Variants in ADAM7 observed in about 807,000 individuals in gnomAD.
ADAM7 encodes ADAM metallopeptidase domain 7, also known as disintegrin and metalloproteinase domain-containing protein 7.
A neutral mutation model predicts 102.9 loss-of-function variants in ADAM7; 97 were observed. The ratio of observed to expected loss-of-function variants is 0.94; its 90% CI spans 0.80 to 1.12. The LOEUF is 1.12. Among genes scored for constraint, ADAM7 ranks in the 50% most tolerant of loss-of-function variants. The probability of loss-of-function intolerance (pLI) is 0.00; values close to 1 mark genes in which losing one functional copy is unlikely to be tolerated. For synonymous variants in ADAM7, 334 were observed against 304.4 expected (o/e 1.10, Z -1.01); for missense variants, 991 against 908.7 (o/e 1.09, Z -1.16).
intron 20 of ADAM7, among the ~76,000 whole-genome samples, chr8:24,506,790 C>G (rs62500007): frequency 7.1e-6 from 1 of 140,824 alleles, no homozygotes; most frequent in Admixed American, 7.1e-5. Flanking sequence ...CACACACACA[C>G]AAAATAGAAC....
Position 24,476,524 on chromosome 8 carries a change from T to C in ADAM7, c.705+20T>C. 1 of 1,581,086 alleles carries C rather than the reference T, an allele frequency of 6.3e-7. No individual in the cohort carries two copies. The highest frequency in any genetic ancestry group is 2.2e-5 in the East Asian group (1 of 44,586). On this transcript the variant is annotated intron_variant, in intron 8 of 21. Coordinates refer to ENST00000175238, the MANE Select transcript of ADAM7 (RefSeq NM_003817.4). ...AACATGGTAAGATTTGATACAGTTT[T>C]TGAATCAAGCCAATAATACGAATGC... is the stretch of plus-strand genomic sequence containing the variant.
intron 3 of ADAM7, among the ~76,000 whole-genome samples, chr8:24,457,863 AGTGTGTGT>A (rs58099346): frequency 4.1e-5 from 6 of 147,872 alleles, no homozygotes; most frequent in Non-Finnish European, 7.5e-5. Flanking sequence ...TATGTGTGTG[AGTGTGTGT>A]GTGTGTGTGT....
rs1819270495 is a variant in ADAM7 at position 24,462,287 on chromosome 8, G to T, written c.234-1595G>T. On this transcript the variant is annotated intron_variant, in intron 3 of 21. Transcript: ENST00000175238. ...AAATTCTGAATTTGAGACTGAGTTTGTTTACAGAACTGAGGATTCTCCCCG... is the reference window on the plus strand; with the variant it reads ...AAATTCTGAATTTGAGACTGAGTTTTTTTACAGAACTGAGGATTCTCCCCG... Among the ~76,000 whole-genome samples the T allele has an allele frequency of 4.6e-5, 7 of 152,258 alleles. No individual in the cohort carries two copies. The South Asian group carries it at 1.5e-3, about 32-fold the overall frequency.
chr8:24,447,739 CT>C (rs1432266613), intron 3 of ADAM7, among the ~76,000 whole-genome samples: 1 of 152,072 alleles, frequency 6.6e-6, no homozygotes, highest in African/African-American at 2.4e-5. Context: ...TCTTCATTGG[CT>C]TTCTTCAAAA....
intron 16 of ADAM7, among the ~76,000 whole-genome samples, chr8:24,497,280 T>C (rs1240869602): frequency 6.6e-6 from 1 of 152,196 alleles, no homozygotes; most frequent in Non-Finnish European, 1.5e-5. Context: ...CCCAGTCTCA[T>C]GTATGTCTTT....
intron 5 of ADAM7, among the ~76,000 whole-genome samples, chr8:24,466,297 T>C (rs1178495678): frequency 6.6e-6 from 1 of 152,132 alleles, no homozygotes; most frequent in Non-Finnish European, 1.5e-5. Flanking sequence ...CAAAGAAAGA[T>C]GATGTGGAGA....
intron 3 of ADAM7, among the ~76,000 whole-genome samples, chr8:24,460,070 T>G (rs1339851940): frequency 6.6e-6 from 1 of 150,992 alleles, no homozygotes; most frequent in Non-Finnish European, 1.5e-5. Flanking sequence ...TTACCAATGT[T>G]TGGATTTGTT....
At chr8:24,494,865 T>C (rs894256523) in intron 16 of ADAM7, among the ~76,000 whole-genome samples, 1 of 152,156 alleles carries the variant, frequency 6.6e-6, no homozygotes, top group African/African-American at 2.4e-5. Context: ...TTGGTAATAA[T>C]TGCCCCACTC....
chr8:24,477,343 G>A (rs1819799577), intron 8 of ADAM7, among the ~76,000 whole-genome samples: 1 of 152,028 alleles, frequency 6.6e-6, no homozygotes, highest in Non-Finnish European at 1.5e-5. Context: ...TGACAATGGA[G>A]CATCTACATA....
chr8:24,494,721 AT>A (rs1480380016), intron 16 of ADAM7, among the ~76,000 whole-genome samples: 1 of 69,590 alleles, frequency 1.4e-5, no homozygotes, highest in East Asian at 2.9e-4. Context: ...TGAAAAAAAA[AT>A]CTCTTTTTGG....
Position 24,466,993 on chromosome 8 carries a change from G to A in ADAM7, c.579+5G>A, listed in dbSNP as rs376371469. Reference sequence around the variant, plus strand: ...GAAGAAGACTCCAAAATAAAAGTGAGTACTTTATTATTATCTTTACCCCAA... The same window carrying A: ...GAAGAAGACTCCAAAATAAAAGTGAATACTTTATTATTATCTTTACCCCAA... On this transcript the variant is annotated splice_donor_5th_base_variant and intron_variant, in intron 6 of 21. Coordinates refer to ENST00000175238, the MANE Select transcript of ADAM7 (RefSeq NM_003817.4). 1.0e-5 allele frequency: 16 copies of A among 1,604,158 alleles called. No homozygotes were observed. In the African/African-American group the frequency reaches 1.5e-4, roughly 15 times the overall value.
chr8:24,497,065 C>T (rs1229026284), intron 16 of ADAM7, among the ~76,000 whole-genome samples: 1 of 152,110 alleles, frequency 6.6e-6, no homozygotes, highest in Non-Finnish European at 1.5e-5. Flanking sequence ...GCAGGTCCTT[C>T]CCATGCTGTT....
In ADAM7 at chr8:24,499,307, T is replaced by C. The variant is rs1181641361; in HGVS notation, c.1914T>C (p.Asn638=). The change falls in exon 17 of 22, where the codon AAT becomes AAC. Residue 638 remains asparagine (N), a synonymous_variant. Coordinates refer to ENST00000175238, the MANE Select transcript of ADAM7 (RefSeq NM_003817.4). The stretch of plus-strand genomic sequence containing the variant: ...CAACCAATTGCCCCTCTCAGTGCAA[T>C]GAAAATCCTGTAAGATATGACTGCT... ...YISTNCPSQC[N]ENPVDGHGLQ... is the part of the protein sequence containing the mutation. 1 of 1,598,668 alleles carries C rather than the reference T, an allele frequency of 6.3e-7. No individual in the cohort carries two copies. The highest frequency in any genetic ancestry group is 8.5e-7 in the Non-Finnish European group (1 of 1,173,078).
intron 17 of ADAM7, among the ~76,000 whole-genome samples, chr8:24,499,602 G>C (rs958918062): frequency 9.2e-5 from 14 of 151,986 alleles, no homozygotes; most frequent in Non-Finnish European, 1.6e-4. Context: ...GTTTAAATCT[G>C]ATGTTTAAAG....
chr8:24,476,841 A>G (rs1049095949), intron 8 of ADAM7, among the ~76,000 whole-genome samples: 5 of 152,198 alleles, frequency 3.3e-5, no homozygotes, highest in Non-Finnish European at 7.3e-5. Context: ...GTATAACAAA[A>G]AGTCTTAAGT....
intron 3 of ADAM7, among the ~76,000 whole-genome samples, chr8:24,447,807 A>G (rs1218881641): frequency 6.6e-6 from 1 of 152,130 alleles, no homozygotes; most frequent in Admixed American, 6.6e-5. Context: ...GGCCATTTCT[A>G]CACAAAATAG....
chr8:24,444,529 A>G (rs184203613), intron 2 of ADAM7, among the ~76,000 whole-genome samples: 64 of 152,106 alleles, frequency 4.2e-4, no homozygotes, highest in African/African-American at 1.5e-3. Context: ...TCCTGTGGCT[A>G]GTAGGGTGTA....
rs1393152951 is a variant in ADAM7, at chr8:24,505,618, A to G, written c.2209-1862A>G. 2.6e-5 allele frequency among the ~76,000 whole-genome samples: 4 copies of G among 152,122 alleles called. No individual in the cohort carries two copies. In the South Asian group the frequency reaches 6.2e-4, roughly 24 times the overall value. On this transcript the variant is annotated intron_variant, in intron 20 of 21. Coordinates refer to ENST00000175238, the MANE Select transcript of ADAM7 (RefSeq NM_003817.4). ...GCGTCTTTTACCTATTACGTTAATG[A>G]TGTTTGTTTTTTGTTTGTTTGTTTT...
intron 16 of ADAM7, among the ~76,000 whole-genome samples, chr8:24,494,322 G>T (rs1283021023): frequency 3.9e-5 from 6 of 152,136 alleles, no homozygotes; most frequent in Non-Finnish European, 1.5e-5. Flanking sequence ...CTATGTTTGT[G>T]AAAATTAAGG....
Sources: allele counts gnomAD v4.1 joint callset (sites outside exome capture counted in the v4.1 genomes callset), GRCh38; gene constraint gnomAD v4.1.1; transcripts MANE v1.5; gene names NCBI Gene and HGNC (gene_info 2026-07-23, HGNC 2026-07-21).